Variants in AFF3 observed in about 807,000 individuals in gnomAD.
The protein encoded by AFF3 is AF4/FMR2 family member 3.
AFF3 carries 32 observed loss-of-function variants against 129.7 expected under a neutral mutation model. The ratio of observed to expected loss-of-function variants is 0.25; its 90% CI spans 0.19 to 0.33. The LOEUF (loss-of-function observed/expected upper bound fraction) is 0.33. Among genes scored for constraint, AFF3 ranks in the 10% least tolerant of loss-of-function variants. AFF3 has a pLI of 1.00. For synonymous variants in AFF3, 644 were observed against 635.4 expected (o/e 1.01, Z -0.20); for missense variants, 1,373 against 1,592.0 (o/e 0.86, Z 2.34).
intron 4 of AFF3, among the ~76,000 whole-genome samples, chr2:100,011,908 T>C (rs1015788712): frequency 6.6e-6 from 1 of 152,158 alleles, no homozygotes; most frequent in Non-Finnish European, 1.5e-5. Context: ...ACTCTGAAAA[T>C]GTTGGAGGTG....
At chr2:99,672,817 T>A (rs1446165876) in intron 11 of AFF3, among the ~76,000 whole-genome samples, 2 of 152,220 alleles carry the variant, frequency 1.3e-5, no homozygotes, top group Non-Finnish European at 2.9e-5. Flanking sequence ...AGTCATCAGC[T>A]AAGACGGGCA....
chr2:99,958,955 T>C (rs1043289410), intron 7 of AFF3, among the ~76,000 whole-genome samples: 2 of 151,704 alleles, frequency 1.3e-5, no homozygotes, highest in African/African-American at 2.4e-5. Context: ...CTATAAAAAA[T>C]ACAAAAATTA....
chr2:99,824,635 G>C (rs1236294911), intron 8 of AFF3, among the ~76,000 whole-genome samples: 3 of 152,180 alleles, frequency 2.0e-5, no homozygotes. Context: ...GTGTGTATGG[G>C]AGTTATGATA....
chr2:99,732,693 A>G (rs912942963), intron 10 of AFF3, among the ~76,000 whole-genome samples: 1 of 152,144 alleles, frequency 6.6e-6, no homozygotes, highest in African/African-American at 2.4e-5. Context: ...AGAACTGCAA[A>G]CATTCATGAA....
At position 100,014,783 on chromosome 2, in the gene AFF3, C is replaced by CTTTTTTTTTTTTTTTTTTT; in HGVS notation, c.54-5870_54-5852dup. On this transcript the variant is annotated intron_variant, in intron 4 of 24. Transcript: ENST00000672756. The stretch of plus-strand genomic sequence containing the variant: ...CCATACCTCCATACCACCTTGCTTC[C>CTTTTTTTTTTTTTTTTTTT]TTTTTTTTTTTTTTTTTTTAGACGG... Among the ~76,000 whole-genome samples, 279 of 120,374 alleles carry CTTTTTTTTTTTTTTTTTTT rather than the reference C, an allele frequency of 2.3e-3. 12 individuals carry two copies. The highest frequency in any genetic ancestry group is 8.7e-3 in the African/African-American group (263 of 30,114). The allele number at this position is 120,374 out of a possible 152,430, so 79.0% of individuals were successfully genotyped here. A position where few individuals can be genotyped will look rare whatever the true frequency, so the allele number is the denominator to read the frequency against.
intron 13 of AFF3, among the ~76,000 whole-genome samples, chr2:99,617,427 T>C (rs1236420827): frequency 4.6e-5 from 7 of 152,262 alleles, no homozygotes; most frequent in Non-Finnish European, 8.8e-5. Context: ...TATCTTTTCA[T>C]GTGCTTGTTA....
intron 4 of AFF3, among the ~76,000 whole-genome samples, chr2:100,067,561 T>C (rs766355053): frequency 6.6e-6 from 1 of 152,232 alleles, no homozygotes; most frequent in Non-Finnish European, 1.5e-5. Flanking sequence ...GCTAAAAGCA[T>C]GCTTGAAGAA....
chr2:100,140,505 C>G (rs1692814511), intron 1 of AFF3, among the ~76,000 whole-genome samples: 1 of 152,144 alleles, frequency 6.6e-6, no homozygotes, highest in Non-Finnish European at 1.5e-5. Flanking sequence ...GATCCCAACG[C>G]TGCTATTTCC....
chr2:99,855,692 C>T (rs983235492), intron 7 of AFF3, among the ~76,000 whole-genome samples: 7 of 152,098 alleles, frequency 4.6e-5, no homozygotes, highest in East Asian at 1.9e-4. Context: ...AAATAATTTA[C>T]GTAGCTACTC....
intron 2 of AFF3, among the ~76,000 whole-genome samples, chr2:100,123,222 G>T (rs1318136143): frequency 6.6e-6 from 1 of 152,180 alleles, no homozygotes; most frequent in Non-Finnish European, 1.5e-5. Flanking sequence ...GTAGCATGTA[G>T]TTCCTCTGAA....
At chr2:99,740,179 A>AC (rs1183423096) in intron 10 of AFF3, among the ~76,000 whole-genome samples, 63 of 150,962 alleles carry the variant, frequency 4.2e-4, no homozygotes, top group African/African-American at 1.5e-3. Flanking sequence ...TCCATGGTGT[A>AC]TATGTGCCAC....
chr2:99,618,292 G>A (rs1217184687), intron 13 of AFF3, among the ~76,000 whole-genome samples: 1 of 125,848 alleles, frequency 7.9e-6, no homozygotes, highest in African/African-American at 3.1e-5. Context: ...CTGGAGTACA[G>A]TGGCGCTATC....
intron 7 of AFF3, among the ~76,000 whole-genome samples, chr2:99,946,302 C>T (rs1299943106): frequency 1.3e-5 from 2 of 151,450 alleles, no homozygotes; most frequent in Admixed American, 1.3e-4. Context: ...GCGTAAACCC[C>T]ATCTCTACTA....
chr2:99,780,876 C>T (rs1270526093), intron 8 of AFF3, among the ~76,000 whole-genome samples: 1 of 152,186 alleles, frequency 6.6e-6, no homozygotes, highest in Non-Finnish European at 1.5e-5. Context: ...TCTCATTTGA[C>T]TTTTCCTGAG....
chr2:99,990,879 C>T (rs918363093), intron 7 of AFF3, among the ~76,000 whole-genome samples: 1 of 152,108 alleles, frequency 6.6e-6, no homozygotes. Context: ...TTACTGTCAA[C>T]CTGAGTTGAA....
At chr2:99,973,375 C>T (rs73964389) in intron 7 of AFF3, among the ~76,000 whole-genome samples, 3,173 of 152,276 alleles carry the variant, frequency 0.021, 57 homozygotes, top group Middle Eastern at 0.051. Context: ...TTGTTTTAAG[C>T]AAGGTGGGAA....
At chr2:99,939,330 TTTAA>T (rs1412612803) in intron 7 of AFF3, among the ~76,000 whole-genome samples, 1 of 152,226 alleles carries the variant, frequency 6.6e-6, no homozygotes, top group Non-Finnish European at 1.5e-5. Context: ...AATACAAATG[TTTAA>T]TTAAGATAAA....
At chr2:99,995,629 C>T (rs1352458521) in intron 7 of AFF3, among the ~76,000 whole-genome samples, 2 of 152,102 alleles carry the variant, frequency 1.3e-5, no homozygotes, top group East Asian at 3.9e-4. Flanking sequence ...ACCTCGGCCT[C>T]CCAAAGTGCT....
intron 7 of AFF3, among the ~76,000 whole-genome samples, chr2:99,894,346 G>C (rs1693778536): frequency 2.0e-5 from 3 of 151,932 alleles, no homozygotes; most frequent in Admixed American, 1.3e-4. Flanking sequence ...GGGAAGGGAG[G>C]AGAGAAAAAA....
Sources: allele counts gnomAD v4.1 joint callset (sites outside exome capture counted in the v4.1 genomes callset), GRCh38; gene constraint gnomAD v4.1.1; transcripts MANE v1.5; gene names NCBI Gene and HGNC (gene_info 2026-07-23, HGNC 2026-07-21).